ATP11B: variants seen among roughly 807,000 people sequenced by gnomAD.
The protein encoded by ATP11B is phospholipid-transporting ATPase IF.
A neutral mutation model predicts 157.8 loss-of-function variants in ATP11B; 81 were observed. The ratio of observed to expected loss-of-function variants is 0.51; its 90% CI spans 0.43 to 0.62. The LOEUF is 0.62. Among genes scored for constraint, ATP11B ranks in the 20% least tolerant of loss-of-function variants. ATP11B has a pLI of 0.00. For missense variants in ATP11B, 1,165 were observed against 1,402.2 expected, an observed-to-expected ratio of 0.83 and a Z score of 2.70; for synonymous variants, 451 against 469.4, an observed-to-expected ratio of 0.96 and a Z score of 0.51.
intron 17 of ATP11B, 124 bp downstream of exon 17, chr3:182,869,455 G>A: frequency 1.6e-6 from 1 of 617,246 alleles, no homozygotes; most frequent in South Asian, 2.5e-5. Flanking sequence ...ACTGTGTGTT[G>A]GCTCCACATT....
chr3:182,797,776 A>C (rs886417171), intron 1 of ATP11B, among the ~76,000 whole-genome samples: 1 of 152,054 alleles, frequency 6.6e-6, no homozygotes, highest in Admixed American at 6.5e-5. Context: ...AGATATTATA[A>C]TATTTTACAT....
At chr3:182,899,410 C>T (rs1345583675) in intron 28 of ATP11B, among the ~76,000 whole-genome samples, 1 of 151,802 alleles carries the variant, frequency 6.6e-6, no homozygotes, top group Non-Finnish European at 1.5e-5. Flanking sequence ...CTTGGCCTCC[C>T]GAAGCGCTGG....
chr3:182,856,821 T>G (rs372674595), intron 10 of ATP11B, among the ~76,000 whole-genome samples: 1 of 152,170 alleles, frequency 6.6e-6, no homozygotes, highest in African/African-American at 2.4e-5. Context: ...AAATCAGAAT[T>G]CAGGCATTTT....
intron 2 of ATP11B, among the ~76,000 whole-genome samples, chr3:182,821,481 C>T (rs1285912739): frequency 6.6e-6 from 1 of 152,210 alleles, no homozygotes; most frequent in Non-Finnish European, 1.5e-5. Flanking sequence ...CATTTGTACA[C>T]ATTTTATGGT....
In ATP11B at chr3:182,850,368, G is replaced by T. The variant is rs187003827; in HGVS notation, c.851+1811G>T. ...GGTGCCTGTAGTCCCAGCTACTCAG[G>T]AGGCTGAGGCAGGAGAATTGTTTGA... is the stretch of plus-strand genomic sequence containing the variant. On this transcript the variant is annotated intron_variant, in intron 10 of 29. Transcript: ENST00000323116. Among the ~76,000 whole-genome samples the T allele has an allele frequency of 2.9e-3, 442 of 152,226 alleles. 4 individuals are homozygous for T. The highest frequency in any genetic ancestry group is 0.01 in the Middle Eastern group (3 of 294).
At chr3:182,901,289 G>A (rs193022329) in intron 28 of ATP11B, among the ~76,000 whole-genome samples, 2 of 150,746 alleles carry the variant, frequency 1.3e-5, no homozygotes, top group African/African-American at 2.4e-5. Context: ...CTTGAATCTG[G>A]GGGGCAGAGG....
chr3:182,823,955 CA>C (rs1325426769), intron 2 of ATP11B, among the ~76,000 whole-genome samples: 5 of 151,618 alleles, frequency 3.3e-5, no homozygotes, highest in Admixed American at 3.3e-4. Flanking sequence ...TCCATTGCTT[CA>C]AAAAAAATCT....
chr3:182,842,922 A>G (rs1719166418), intron 8 of ATP11B, among the ~76,000 whole-genome samples: 1 of 152,224 alleles, frequency 6.6e-6, no homozygotes. Context: ...CATAGTGGAT[A>G]AGTATCTCTC....
chr3:182,903,393 C>A (rs776133320), intron 28 of ATP11B, among the ~76,000 whole-genome samples: 2 of 151,876 alleles, frequency 1.3e-5, no homozygotes, highest in East Asian at 3.9e-4. Flanking sequence ...ATTTTAAATT[C>A]TGTTTTATTC....
At chr3:182,814,723 G>A (rs550919247) in intron 1 of ATP11B, among the ~76,000 whole-genome samples, 4 of 152,148 alleles carry the variant, frequency 2.6e-5, no homozygotes, top group Non-Finnish European at 4.4e-5. Flanking sequence ...TGAGAGGATC[G>A]CTTGAGCCTG....
chr3:182,889,497 T>C lies in ATP11B; in HGVS notation c.2931T>C (p.Phe977=), dbSNP rs945566557. The C allele has an allele frequency of 6.4e-6, 10 of 1,574,126 alleles. No homozygotes were observed. Among genetic ancestry groups the C allele is most frequent in the Non-Finnish European group, 8.6e-6 (10 of 1,167,084 alleles). The change falls in exon 25 of 30, where the codon TTT becomes TTC. Residue 977 remains phenylalanine, a synonymous_variant. Transcript: ENST00000323116. The stretch of plus-strand genomic sequence containing the variant: ...TCAGTCATGCCTTTATTTTCTTTTT[T>C]GGATCCTATTTACTAATAGGGAAAG... The part of the protein sequence containing the change: ...LGFSHAFIFF[F]GSYLLIGKDT...
Position 182,918,146 on chromosome 3 carries a change from C to G in ATP11B, c.*42C>G. 6.2e-7 allele frequency: 1 copy of G among 1,608,918 alleles called. No individual in the cohort carries two copies. The highest frequency in any genetic ancestry group is 8.5e-7 in the Non-Finnish European group (1 of 1,177,606). On this transcript the variant is annotated 3_prime_UTR_variant, in exon 30 of 30. Coordinates refer to ENST00000323116, the MANE Select transcript of ATP11B (RefSeq NM_014616.3). ...TGTGGGAGCCAGTTCACCTCCTTTCCTAAAATTCAGTGTGATCACCCTGTT... is the reference window on the plus strand; with the variant it reads ...TGTGGGAGCCAGTTCACCTCCTTTCGTAAAATTCAGTGTGATCACCCTGTT...
intron 28 of ATP11B, among the ~76,000 whole-genome samples, chr3:182,909,925 G>A (rs1201469007): frequency 1.3e-5 from 2 of 151,632 alleles, no homozygotes; most frequent in African/African-American, 2.4e-5. Flanking sequence ...TTAGCTGGGC[G>A]TGGTGGTGTG....
At chr3:182,877,663 G>T (rs1457488857) in intron 19 of ATP11B, among the ~76,000 whole-genome samples, 1 of 151,948 alleles carries the variant, frequency 6.6e-6, no homozygotes, top group East Asian at 1.9e-4. Context: ...GGCAGCAAAG[G>T]GGGCAGTGCG....
Position 182,920,826 on chromosome 3 carries a change from T to G in ATP11B, c.*2722T>G, listed in dbSNP as rs1725434586. The G allele has an allele frequency of 6.6e-6, 1 of 152,304 alleles. No individual in the cohort carries two copies. Among genetic ancestry groups the G allele is most frequent in the Non-Finnish European group, 1.5e-5 (1 of 68,104 alleles). The allele number at this position is 152,304 out of a possible 1,614,324, so 9.4% of individuals were successfully genotyped here. On this transcript the variant is annotated 3_prime_UTR_variant, in exon 30 of 30. Transcript: ENST00000323116. ...CGAGTTGAGAAAAGGGGAGAATTTA[T>G]GGTCTGAATTTTCTAACTGTCCTCT... is the stretch of plus-strand genomic sequence containing the variant.
chr3:182,851,957 A>G (rs974469020), intron 10 of ATP11B, among the ~76,000 whole-genome samples: 3 of 152,226 alleles, frequency 2.0e-5, no homozygotes, highest in Non-Finnish European at 2.9e-5. Context: ...TATACTATGT[A>G]TATTGTAAGC....
intron 25 of ATP11B, among the ~76,000 whole-genome samples, chr3:182,893,892 A>G (rs1723341202): frequency 6.6e-6 from 1 of 152,180 alleles, no homozygotes; most frequent in African/African-American, 2.4e-5. Context: ...TTGTAGGAGT[A>G]AGGTGGTATC....
chr3:182,920,046 AT>A lies in ATP11B; in HGVS notation c.*1943del, dbSNP rs1725368379. ...TCTTATAAAACGTGCATATAACAAAATGACACCCAGTAGGCCTGCATTACAT... is the reference window on the plus strand; with the variant it reads ...TCTTATAAAACGTGCATATAACAAAAGACACCCAGTAGGCCTGCATTACAT... On this transcript the variant is annotated 3_prime_UTR_variant, in exon 30 of 30. Coordinates refer to ENST00000323116, the MANE Select transcript of ATP11B (RefSeq NM_014616.3). 1 of 152,246 alleles carries A rather than the reference AT, an allele frequency of 6.6e-6. No individual in the cohort carries two copies. Among genetic ancestry groups the A allele is most frequent in the Non-Finnish European group, 1.5e-5 (1 of 68,048 alleles). 9.4% of individuals were successfully genotyped at this position (152,246 alleles called of 1,614,324 possible). A position where few individuals can be genotyped will look rare whatever the true frequency, so the allele number is the denominator to read the frequency against.
chr3:182,819,548 C>G (rs972015072), intron 1 of ATP11B, among the ~76,000 whole-genome samples: 6 of 152,134 alleles, frequency 3.9e-5, no homozygotes, highest in Non-Finnish European at 8.8e-5. Flanking sequence ...GACAGATGGT[C>G]TTCTCAATCT....
Sources: gnomAD v4.1 joint callset for allele counts (sites outside exome capture counted in the v4.1 genomes callset) on GRCh38, gnomAD v4.1.1 for gene constraint, MANE v1.5 for transcripts, NCBI Gene and HGNC (gene_info 2026-07-23, HGNC 2026-07-21) for gene names.